Variants in AFG1L observed in about 807,000 individuals in gnomAD.
AFG1L encodes AFG1-like ATPase.
Under a neutral mutation model 62.2 loss-of-function variants are expected in AFG1L, and 53 were observed. That is an observed-to-expected ratio of 0.85 (90% confidence interval 0.68 to 1.07). The LOEUF (loss-of-function observed/expected upper bound fraction) is 1.07, where lower values mean the gene tolerates loss of function less well. AFG1L is among the 50% of genes least tolerant of loss of function. The pLI is 0.00. For synonymous variants in AFG1L, 228 were observed against 210.3 expected (o/e 1.08, Z -0.73); for missense variants, 555 against 590.5 (o/e 0.94, Z 0.62).
In AFG1L at chr6:108,476,336, T is replaced by C. The variant is rs189513748; in HGVS notation, c.891-529T>C. On this transcript the variant is annotated intron_variant, in intron 8 of 12. Transcript: ENST00000368977. ...GTGTGGTCTATAATTGTCCTTATAC[T>C]AGAAGTCTGACAAAGTTATTGATGT... Among the ~76,000 whole-genome samples, 100 of 152,322 alleles carry C rather than the reference T, an allele frequency of 6.6e-4. No individual in the cohort carries two copies. The East Asian group carries it at 0.016, about 24-fold the overall frequency.
intron 6 of AFG1L, among the ~76,000 whole-genome samples, chr6:108,369,971 T>C (rs1779931230): frequency 6.6e-6 from 1 of 151,588 alleles, no homozygotes; most frequent in African/African-American, 2.4e-5. Flanking sequence ...TATCTATCTA[T>C]CTATCTATCT....
At chr6:108,387,757 C>A (rs1780833890) in intron 6 of AFG1L, 1 of 151,804 alleles carries the variant, frequency 6.6e-6, no homozygotes, top group South Asian at 2.1e-4. Flanking sequence ...GACAGCAAGC[C>A]CTATCTAATT....
chr6:108,409,620 A>T (rs1782015958), intron 7 of AFG1L, among the ~76,000 whole-genome samples: 1 of 152,206 alleles, frequency 6.6e-6, no homozygotes, highest in South Asian at 2.1e-4. Flanking sequence ...GAGATTAGAC[A>T]TGAAATAATT....
chr6:108,523,749 A>C lies in AFG1L; in HGVS notation c.*1324A>C, dbSNP rs1272120824. 1 of 152,032 alleles carries C rather than the reference A, an allele frequency of 6.6e-6. No individual in the cohort carries two copies. Among genetic ancestry groups the C allele is most frequent in the Non-Finnish European group, 1.5e-5 (1 of 68,016 alleles). The allele number at this position is 152,032 out of a possible 1,614,324, so 9.4% of individuals were successfully genotyped here. A position where few individuals can be genotyped will look rare whatever the true frequency, so the allele number is the denominator to read the frequency against. ...AATAATCCATCACATAGTCTCTTTT[A>C]GATATTAACCTAATTAAGGCAAGCA... is the stretch of plus-strand genomic sequence containing the variant. On this transcript the variant is annotated 3_prime_UTR_variant, in exon 13 of 13. Transcript: ENST00000368977.
At chr6:108,498,476 C>T (rs1249542459) in intron 10 of AFG1L, among the ~76,000 whole-genome samples, 1 of 152,030 alleles carries the variant, frequency 6.6e-6, no homozygotes, top group Admixed American at 6.6e-5. Flanking sequence ...TGCTTGGGAA[C>T]AAAAGGGTGA....
rs75353210 is a variant in AFG1L at position 108,495,783 on chromosome 6, C to T, written c.1063-14429C>T. On this transcript the variant is annotated intron_variant, in intron 10 of 12. Transcript: ENST00000368977. The stretch of plus-strand genomic sequence containing the variant: ...TCTTTAAGTTTTCATCAGGTTTCCA[C>T]AGAAACAAAGAGTTTGAAACAATAG... Among the ~76,000 whole-genome samples, 368 of 152,252 alleles carry T rather than the reference C, an allele frequency of 2.4e-3. 12 individuals are homozygous for T. The East Asian group carries it at 0.065, about 27-fold the overall frequency.
intron 3 of AFG1L, among the ~76,000 whole-genome samples, chr6:108,348,222 G>C (rs1180694263): frequency 6.6e-6 from 1 of 152,158 alleles, no homozygotes; most frequent in African/African-American, 2.4e-5. Context: ...GGGACGACAG[G>C]TGTCTGCCAC....
Position 108,498,898 on chromosome 6 carries a change from C to T in AFG1L, c.1063-11314C>T, listed in dbSNP as rs931361761. On this transcript the variant is annotated intron_variant, in intron 10 of 12. Coordinates refer to ENST00000368977, the MANE Select transcript of AFG1L (RefSeq NM_145315.5). ...CTGGGGCAGGAGAATCACTTGAACC[C>T]GGGAGGCAGAGACTGCAGTGAGCCA... is the stretch of plus-strand genomic sequence containing the variant. 6.6e-5 allele frequency among the ~76,000 whole-genome samples: 10 copies of T among 152,000 alleles called. No homozygotes were observed. The East Asian group carries it at 9.7e-4, about 15-fold the overall frequency.
intron 8 of AFG1L, among the ~76,000 whole-genome samples, chr6:108,448,760 T>C (rs1040775640): frequency 3.9e-5 from 6 of 152,178 alleles, no homozygotes; most frequent in African/African-American, 1.2e-4. Flanking sequence ...TTTAAAAATA[T>C]GCTAGAGGAA....
rs553510216 is a variant in AFG1L, at chr6:108,490,253, G to A, written c.1062+12961G>A. Among the ~76,000 whole-genome samples the A allele has an allele frequency of 1.6e-4, 24 of 152,220 alleles. No homozygotes were observed. In the East Asian group the frequency reaches 2.7e-3, roughly 17 times the overall value. On this transcript the variant is annotated intron_variant, in intron 10 of 12. Coordinates refer to ENST00000368977, the MANE Select transcript of AFG1L (RefSeq NM_145315.5). Reference sequence around the variant, plus strand: ...GCATGCCTTTTAGTCACAGCTACTCGGGAGGCTGAAGCAGGAGAATCACTT... The same window carrying A: ...GCATGCCTTTTAGTCACAGCTACTCAGGAGGCTGAAGCAGGAGAATCACTT...
chr6:108,366,309 C>T lies in AFG1L; in HGVS notation c.725C>T (p.Ala242Val). 6.2e-7 allele frequency: 1 copy of T among 1,611,460 alleles called. No individual in the cohort carries two copies. Among genetic ancestry groups the T allele is most frequent in the Non-Finnish European group, 8.5e-7 (1 of 1,178,138 alleles). Residue 242 changes from alanine to valine, a missense_variant, in exon 6 of 13, where the codon GCA becomes GTA. Physicochemically the swap from Ala to Val is moderately conservative, Grantham distance 64 (BLOSUM62 0). Coordinates refer to ENST00000368977, the MANE Select transcript of AFG1L (RefSeq NM_145315.5). ...TTCAAAAACGGGGTCGTCGTTGTGG[C>T]AACATCCAACAGGCCACCGGAAGGT... is the stretch of plus-strand genomic sequence containing the variant. ...NLFKNGVVVV[A>V]TSNRPPEDLY...
chr6:108,316,052 A>G (rs1777577680), intron 1 of AFG1L, among the ~76,000 whole-genome samples: 1 of 152,092 alleles, frequency 6.6e-6, no homozygotes, highest in South Asian at 2.1e-4. Context: ...CTGCTTAAAA[A>G]AAAATTATAA....
At chr6:108,485,658 T>TATATA (rs1562190010) in intron 10 of AFG1L, among the ~76,000 whole-genome samples, 50 of 13,046 alleles carry the variant, frequency 3.8e-3, no homozygotes, top group South Asian at 6.1e-3. Context: ...ATATATATAT[T>TATATA]TTTTTTTTTT....
intron 6 of AFG1L, among the ~76,000 whole-genome samples, chr6:108,381,456 A>G (rs923206009): frequency 1.3e-5 from 2 of 151,870 alleles, no homozygotes; most frequent in South Asian, 4.1e-4. Context: ...CATCCTAGCT[A>G]CTTGGGAGGC....
chr6:108,336,037 C>T (rs1400292235), intron 2 of AFG1L, among the ~76,000 whole-genome samples: 1 of 152,158 alleles, frequency 6.6e-6, no homozygotes, highest in Non-Finnish European at 1.5e-5. Flanking sequence ...TTTTGCAAAT[C>T]AGCTAAAGAC....
At chr6:108,374,733 G>A (rs1780167229) in intron 6 of AFG1L, among the ~76,000 whole-genome samples, 1 of 152,142 alleles carries the variant, frequency 6.6e-6, no homozygotes, top group Non-Finnish European at 1.5e-5. Context: ...GGTTACCATA[G>A]CCTTATGGTA....
intron 7 of AFG1L, among the ~76,000 whole-genome samples, chr6:108,418,022 C>T (rs868312114): frequency 2.0e-5 from 3 of 152,012 alleles, no homozygotes; most frequent in East Asian, 1.9e-4. Context: ...TTAGTAGAGA[C>T]GGGGGTTCAT....
chr6:108,311,114 A>G (rs1227896127), intron 1 of AFG1L, among the ~76,000 whole-genome samples: 2 of 152,146 alleles, frequency 1.3e-5, no homozygotes, highest in Non-Finnish European at 2.9e-5. Context: ...ACTGCTTATC[A>G]TTGCAATGCT....
At chr6:108,493,039 CT>C (rs1317190059) in intron 10 of AFG1L, among the ~76,000 whole-genome samples, 2 of 152,084 alleles carry the variant, frequency 1.3e-5, no homozygotes, top group Non-Finnish European at 2.9e-5. Context: ...AGTATGGGTT[CT>C]TTTATTAGGC....
Sources: gnomAD v4.1 joint callset for allele counts (sites outside exome capture counted in the v4.1 genomes callset) on GRCh38, gnomAD v4.1.1 for gene constraint, MANE v1.5 for transcripts, NCBI Gene and HGNC (gene_info 2026-07-23, HGNC 2026-07-21) for gene names.